The following AGBL1 variants were observed in gnomAD, a reference collection of about 807,000 sequenced individuals.
AGBL1 encodes the protein cytosolic carboxypeptidase 4.
Under a neutral mutation model 118.9 loss-of-function variants are expected in AGBL1, and 130 were observed. The ratio of observed to expected loss-of-function variants is 1.09; its 90% confidence interval spans 0.95 to 1.26. AGBL1 has a LOEUF of 1.26. Ranked by LOEUF, AGBL1 falls within the 50% of genes most tolerant of loss-of-function variation. AGBL1 has a pLI of 0.00. For missense variants in AGBL1, 1,584 were observed against 1,298.1 expected (o/e 1.22, Z -3.38); for synonymous variants, 555 against 478.9 (o/e 1.16, Z -2.08).
intron 22 of AGBL1, among the ~76,000 whole-genome samples, chr15:86,771,966 G>A (rs1180410418): frequency 6.6e-6 from 1 of 151,980 alleles, no homozygotes; most frequent in African/African-American, 2.4e-5. Context: ...TGTGTGGATA[G>A]AAATGAAGTA....
intron 3 of AGBL1, among the ~76,000 whole-genome samples, chr15:86,145,638 T>C (rs2077023325): frequency 6.6e-6 from 1 of 152,204 alleles, no homozygotes; most frequent in Non-Finnish European, 1.5e-5. Flanking sequence ...CTGATAATGA[T>C]GGAGAACTAG....
rs747045228 is a variant in AGBL1 at position 86,988,081 on chromosome 15, G to A, written c.3316G>A (p.Val1106Ile). The change falls in exon 24 of 25, where the codon GTC becomes ATC. Residue 1106 changes from valine to isoleucine, a missense_variant. Transcript: ENST00000441037. ...TTTCAAGATGAACCTTCTTCTGCATGTCTCCCCGTGAGTATGTCAGTTTCC... is the reference window on the plus strand; with the variant it reads ...TTTCAAGATGAACCTTCTTCTGCATATCTCCCCGTGAGTATGTCAGTTTCC... 36 of 1,613,254 alleles carry A rather than the reference G, an allele frequency of 2.2e-5. 1 individual carries two copies. The South Asian group carries it at 4.0e-4, about 18-fold the overall frequency.
chr15:86,626,130 C>T (rs2255878), intron 21 of AGBL1, among the ~76,000 whole-genome samples: 63,299 of 151,946 alleles, frequency 0.42, 13,983 homozygotes, highest in Middle Eastern at 0.56. Flanking sequence ...ACAGAAATAC[C>T]GTTCGACCCA....
rs532562278 is a variant in AGBL1, at chr15:86,952,948, G to GT, written c.3222-35034dup. Among the ~76,000 whole-genome samples, 15 of 152,280 alleles carry GT rather than the reference G, an allele frequency of 9.9e-5. No homozygotes were observed. The South Asian group carries it at 2.9e-3, about 29-fold the overall frequency. On this transcript the variant is annotated intron_variant, in intron 23 of 24. Transcript: ENST00000441037. ...ATAAGGAGTTCTCTCCCCATTGTGT[G>GT]TTTTTGCTGGCCTTTTTGAAGATCA...
chr15:86,482,065 A>G (rs924411969), intron 18 of AGBL1, among the ~76,000 whole-genome samples: 3 of 151,954 alleles, frequency 2.0e-5, no homozygotes, highest in African/African-American at 7.3e-5. Flanking sequence ...CAGCTTAGGA[A>G]CTCCTCTGCA....
At chr15:86,850,517 G>C (rs1451344200) in intron 22 of AGBL1, among the ~76,000 whole-genome samples, 1 of 152,168 alleles carries the variant, frequency 6.6e-6, no homozygotes, top group Non-Finnish European at 1.5e-5. Flanking sequence ...CACATTGCCT[G>C]TCTTTGTTTT....
intron 21 of AGBL1, among the ~76,000 whole-genome samples, chr15:86,648,195 A>T (rs968877374): frequency 6.6e-6 from 1 of 152,044 alleles, no homozygotes; most frequent in South Asian, 2.1e-4. Context: ...ACTGTTTGGG[A>T]TGTTGTGGGG....
chr15:86,853,901 C>T (rs1488771334), intron 22 of AGBL1, among the ~76,000 whole-genome samples: 3 of 151,940 alleles, frequency 2.0e-5, no homozygotes, highest in Non-Finnish European at 4.4e-5. Context: ...TTTAATTAGT[C>T]ACTTAGAGAT....
intron 1 of AGBL1, among the ~76,000 whole-genome samples, chr15:86,099,038 C>A (rs574310199): frequency 6.6e-6 from 1 of 151,986 alleles, no homozygotes; most frequent in South Asian, 2.1e-4. Flanking sequence ...TCCTTGAAGC[C>A]TTGATACGCA....
chr15:86,142,186 C>A (rs1417619929), intron 2 of AGBL1, 119 bp downstream of exon 2: 1 of 959,860 alleles, frequency 1.0e-6, no homozygotes, highest in Non-Finnish European at 1.6e-6. Context: ...CTGTGAGAGG[C>A]AGCATCACTA....
intron 17 of AGBL1, among the ~76,000 whole-genome samples, chr15:86,338,961 A>C (rs570628840): frequency 7.2e-5 from 11 of 152,242 alleles, no homozygotes; most frequent in African/African-American, 2.4e-4. Flanking sequence ...GAGGGTTACA[A>C]GTGTTCCTAT....
intron 23 of AGBL1, among the ~76,000 whole-genome samples, chr15:86,984,752 C>G (rs2081264816): frequency 6.6e-6 from 1 of 152,076 alleles, no homozygotes; most frequent in Non-Finnish European, 1.5e-5. Flanking sequence ...ATATTTTTCC[C>G]AGTTAGTGGC....
chr15:86,363,166 T>G (rs1182961041), intron 17 of AGBL1, among the ~76,000 whole-genome samples: 1 of 152,092 alleles, frequency 6.6e-6, no homozygotes, highest in African/African-American at 2.4e-5. Context: ...CCAGTGTTTT[T>G]CAATCTCGTA....
chr15:86,883,258 A>C (rs1364589564), intron 22 of AGBL1, among the ~76,000 whole-genome samples: 1 of 152,244 alleles, frequency 6.6e-6, no homozygotes, highest in African/African-American at 2.4e-5. Flanking sequence ...AACACAACAT[A>C]AAATGACCTG....
intron 23 of AGBL1, among the ~76,000 whole-genome samples, chr15:86,953,927 G>T (rs2080904631): frequency 6.6e-6 from 1 of 151,912 alleles, no homozygotes; most frequent in African/African-American, 2.4e-5. Flanking sequence ...TTTTCTTGCT[G>T]GATCACTCTG....
Position 86,725,283 on chromosome 15 carries a change from AACTAATGC to A in AGBL1, c.3158+50850_3158+50857del, listed in dbSNP as rs2086802508. Among the ~76,000 whole-genome samples, 12 of 152,346 alleles carry A rather than the reference AACTAATGC, an allele frequency of 7.9e-5. No homozygotes were observed. In the South Asian group the frequency reaches 2.5e-3, roughly 32 times the overall value. On this transcript the variant is annotated intron_variant, in intron 22 of 22. Coordinates refer to ENST00000614907, the MANE Select transcript of AGBL1 (RefSeq NM_001386094.1). ...TTTCCAAGAAAATCATGTACAATGA[AACTAATGC>A]ACAGAGACATGGTCTAGATGTTACG...
intron 21 of AGBL1, among the ~76,000 whole-genome samples, chr15:86,593,926 T>A (rs1192360676): frequency 6.6e-6 from 1 of 152,164 alleles, no homozygotes; most frequent in Non-Finnish European, 1.5e-5. Flanking sequence ...GATTGATTTT[T>A]TTTTTTTTAA....
intron 22 of AGBL1, among the ~76,000 whole-genome samples, chr15:86,729,845 C>A (rs546192440): frequency 6.6e-6 from 1 of 152,282 alleles, no homozygotes; most frequent in Non-Finnish European, 1.5e-5. Context: ...TTAGAGAAAT[C>A]ACACTGCTTT....
chr15:86,162,242 G>A lies in AGBL1; in HGVS notation c.488+3216G>A, dbSNP rs1202851720. ...CAGGGGGCATGGATAGCTCTACTAAGTATCATCCTCCAAATGCTAGCATGC... is the reference window on the plus strand; with the variant it reads ...CAGGGGGCATGGATAGCTCTACTAAATATCATCCTCCAAATGCTAGCATGC... On this transcript the variant is annotated intron_variant, in intron 5 of 22. Transcript: ENST00000614907. Among the ~76,000 whole-genome samples, 4 of 152,174 alleles carry A rather than the reference G, an allele frequency of 2.6e-5. No individual in the cohort carries two copies. In the East Asian group the frequency reaches 7.7e-4, roughly 29 times the overall value.
Sources: gnomAD v4.1 joint callset for allele counts (sites outside exome capture counted in the v4.1 genomes callset) on GRCh38, gnomAD v4.1.1 for gene constraint, MANE v1.5 for transcripts, NCBI Gene and HGNC (gene_info 2026-07-23, HGNC 2026-07-21) for gene names.